Variants in NFIA observed in about 807,000 individuals in gnomAD.
NFIA encodes nuclear factor 1 A-type.
NFIA carries 8 observed loss-of-function variants against 62.8 expected under a neutral mutation model. The observed-to-expected ratio is 0.13, with a 90% CI of 0.07 to 0.23. NFIA has a LOEUF of 0.23. Among genes scored for constraint, NFIA ranks in the 10% least tolerant of loss-of-function variants. The pLI is 1.00. For missense variants in NFIA, 410 were observed against 642.1 expected (o/e 0.64, Z 3.91); for synonymous variants, 235 against 238.1 (o/e 0.99, Z 0.12).
intron 2 of NFIA, among the ~76,000 whole-genome samples, chr1:61,226,135 T>C (rs1654315661): frequency 6.6e-6 from 1 of 152,188 alleles, no homozygotes; most frequent in Non-Finnish European, 1.5e-5. Context: ...TAATATTTAA[T>C]GTGGTACGAT....
intron 9 of NFIA, among the ~76,000 whole-genome samples, chr1:61,410,280 A>T (rs1039216955): frequency 3.9e-5 from 6 of 152,174 alleles, no homozygotes; most frequent in Non-Finnish European, 7.4e-5. Flanking sequence ...TTAAGAGAAG[A>T]TAGAACTTTT....
chr1:61,366,166 C>T (rs1663573618), intron 6 of NFIA, among the ~76,000 whole-genome samples: 1 of 152,092 alleles, frequency 6.6e-6, no homozygotes, highest in Non-Finnish European at 1.5e-5. Context: ...TTATATTTGT[C>T]CCCGAAGTTA....
rs1234282271 is a variant in NFIA at position 61,460,795 on chromosome 1, A to G, written c.*5475A>G. 1 of 152,238 alleles carries G rather than the reference A, an allele frequency of 6.6e-6. No individual in the cohort carries two copies. The highest frequency in any genetic ancestry group is 2.4e-5 in the African/African-American group (1 of 41,452). 9.4% of individuals were successfully genotyped at this position (152,238 alleles called of 1,614,324 possible). ...GGTATAGGTGATGTAAAATAACCGT[A>G]CAATATTAATGCATGCGATTCCATA... On this transcript the variant is annotated 3_prime_UTR_variant, in exon 11 of 11. Coordinates refer to ENST00000403491, the MANE Select transcript of NFIA (RefSeq NM_001134673.4).
chr1:61,199,705 G>C (rs1557631461), intron 2 of NFIA, among the ~76,000 whole-genome samples: 1 of 151,906 alleles, frequency 6.6e-6, no homozygotes, highest in Non-Finnish European at 1.5e-5. Flanking sequence ...ATTAAAAAAA[G>C]GTTGAATGGC....
intron 7 of NFIA, among the ~76,000 whole-genome samples, chr1:61,389,003 A>G (rs2474391): frequency 0.39 from 59,004 of 151,706 alleles, 12,624 homozygotes; most frequent in East Asian, 0.69. Flanking sequence ...GGTCCTAGAT[A>G]CTCGGGAGGC....
At chr1:61,374,511 G>C (rs187308675) in intron 6 of NFIA, among the ~76,000 whole-genome samples, 1 of 152,272 alleles carries the variant, frequency 6.6e-6, no homozygotes, top group Admixed American at 6.5e-5. Context: ...CCAGAAACCA[G>C]ATTTTTATAT....
At chr1:61,192,071 T>TA (rs35581974) in intron 2 of NFIA, among the ~76,000 whole-genome samples, 20 of 151,962 alleles carry the variant, frequency 1.3e-4, no homozygotes, top group Admixed American at 1.2e-3. Context: ...GCAGTTCTCC[T>TA]CCTCAGCCTC....
At chr1:61,239,503 T>A (rs1655207972) in intron 2 of NFIA, among the ~76,000 whole-genome samples, 1 of 152,188 alleles carries the variant, frequency 6.6e-6, no homozygotes, top group Non-Finnish European at 1.5e-5. Flanking sequence ...TAATATGTAT[T>A]CTTCTTCAAC....
rs111694976 is a variant in NFIA at position 61,201,546 on chromosome 1, A to C, written c.560-75974A>C. On this transcript the variant is annotated intron_variant, in intron 2 of 10. Coordinates refer to ENST00000403491, the MANE Select transcript of NFIA (RefSeq NM_001134673.4). Reference sequence around the variant, plus strand: ...AAAAAAAAAAAAGGAAAAAGGAAATAAGGGAAGGAGGAAGGGGTGGGGGCC... The same window carrying C: ...AAAAAAAAAAAAGGAAAAAGGAAATCAGGGAAGGAGGAAGGGGTGGGGGCC... 3.2e-3 allele frequency among the ~76,000 whole-genome samples: 488 copies of C among 152,098 alleles called. 4 individuals carry two copies. Among genetic ancestry groups the C allele is most frequent in the African/African-American group, 0.011 (460 of 41,516 alleles).
intron 2 of NFIA, among the ~76,000 whole-genome samples, chr1:61,119,282 C>G (rs1345083970): frequency 1.3e-5 from 2 of 152,152 alleles, no homozygotes; most frequent in Non-Finnish European, 2.9e-5. Flanking sequence ...CGTCTCTGTT[C>G]CTGTGCCAAG....
intron 1 of NFIA, among the ~76,000 whole-genome samples, chr1:61,084,680 C>T (rs923270370): frequency 2.0e-5 from 3 of 152,086 alleles, no homozygotes; most frequent in Admixed American, 6.6e-5. Flanking sequence ...AGGGAAAGGA[C>T]CCTAACAGAT....
chr1:61,347,377 G>A (rs1370431075), intron 4 of NFIA, among the ~76,000 whole-genome samples: 3 of 151,852 alleles, frequency 2.0e-5, no homozygotes, highest in Admixed American at 2.0e-4. Context: ...GTTTCACCGT[G>A]TTAGCCAGGA....
At chr1:61,136,881 A>G (rs978864476) in intron 2 of NFIA, among the ~76,000 whole-genome samples, 5 of 152,192 alleles carry the variant, frequency 3.3e-5, no homozygotes, top group African/African-American at 9.6e-5. Context: ...AAATAATTCT[A>G]TTCCTGAAGA....
At chr1:61,264,576 G>A (rs961676724) in intron 2 of NFIA, among the ~76,000 whole-genome samples, 6 of 147,096 alleles carry the variant, frequency 4.1e-5, no homozygotes, top group African/African-American at 1.3e-4. Flanking sequence ...GCCAGAACCC[G>A]GAAGGCGAAG....
At chr1:61,364,299 A>G (rs987044090) in intron 6 of NFIA, among the ~76,000 whole-genome samples, 5 of 152,150 alleles carry the variant, frequency 3.3e-5, no homozygotes, top group African/African-American at 1.2e-4. Context: ...TACTTCATGA[A>G]CAGTGGGACT....
At chr1:61,330,791 G>A (rs902321211) in intron 3 of NFIA, among the ~76,000 whole-genome samples, 1 of 152,038 alleles carries the variant, frequency 6.6e-6, no homozygotes, top group Non-Finnish European at 1.5e-5. Context: ...AAGAAGGTAG[G>A]GATGAGCAAG....
chr1:61,165,076 A>G (rs867687011), intron 2 of NFIA, among the ~76,000 whole-genome samples: 14 of 152,346 alleles, frequency 9.2e-5, no homozygotes, highest in African/African-American at 3.4e-4. Context: ...TTGAGGGAAC[A>G]TTGTATAAAT....
chr1:61,403,067 C>A (rs1168979373), intron 7 of NFIA, among the ~76,000 whole-genome samples: 1 of 152,178 alleles, frequency 6.6e-6, no homozygotes, highest in Non-Finnish European at 1.5e-5. Context: ...GTCTTATTTT[C>A]CAAAATGTGG....
intron 2 of NFIA, among the ~76,000 whole-genome samples, chr1:61,172,576 AG>A (rs1389481505): frequency 6.6e-5 from 10 of 152,214 alleles, no homozygotes; most frequent in Non-Finnish European, 1.3e-4. Context: ...TTGTAAAACA[AG>A]CAGACACCTC....
Sources: allele counts gnomAD v4.1 joint callset (sites outside exome capture counted in the v4.1 genomes callset), GRCh38; gene constraint gnomAD v4.1.1; transcripts MANE v1.5; gene names NCBI Gene and HGNC (gene_info 2026-07-23, HGNC 2026-07-21).